The following PGBD5 variants were observed in gnomAD, a reference collection of about 807,000 sequenced individuals.
The protein encoded by PGBD5 is piggyBac transposable element-derived protein 5.
A neutral mutation model predicts 47.9 loss-of-function variants in PGBD5; 14 were observed. That is an observed-to-expected ratio of 0.29 (90% CI 0.19 to 0.46). The LOEUF (loss-of-function observed/expected upper bound fraction) is 0.46. Ranked by LOEUF, PGBD5 falls within the 20% of genes least tolerant of loss-of-function variation. The probability of loss-of-function intolerance (pLI) is 1.00; values close to 1 mark genes in which losing one functional copy is unlikely to be tolerated. For synonymous variants in PGBD5, 316 were observed against 306.3 expected (o/e 1.03, Z -0.33); for missense variants, 635 against 716.0 (o/e 0.89, Z 1.29).
intron 1 of PGBD5, among the ~76,000 whole-genome samples, chr1:230,380,484 C>A (rs941351864): frequency 6.6e-6 from 1 of 152,174 alleles, no homozygotes; most frequent in Non-Finnish European, 1.5e-5. Flanking sequence ...AAACTGACAC[C>A]CACCACTACC....
intron 2 of PGBD5, among the ~76,000 whole-genome samples, chr1:230,355,895 C>T (rs894218107): frequency 7.9e-5 from 12 of 152,106 alleles, no homozygotes; most frequent in South Asian, 2.1e-4. Context: ...CCCACAGACA[C>T]GAAATAGGGC....
Position 230,426,272 on chromosome 1 carries a change from T to C in PGBD5, c.-344A>G. ...CACCGCCACCACCGCCGCCGCTGCG[T>C]CTCCTCGGCGCCCGCCGCCTCCCTG... On this transcript the variant is annotated 5_prime_UTR_variant, in exon 1 of 7. Transcript: ENST00000391860. 6.8e-6 allele frequency: 1 copy of C among 147,680 alleles called. No homozygotes were observed. The highest frequency in any genetic ancestry group is 2.5e-5 in the African/African-American group (1 of 39,638). 9.1% of individuals were successfully genotyped at this position (147,680 alleles called of 1,614,324 possible). A position where few individuals can be genotyped will look rare whatever the true frequency, so the allele number is the denominator to read the frequency against.
intron 1 of PGBD5, chr1:230,362,304 T>C: frequency 3.7e-6 from 5 of 1,367,766 alleles, no homozygotes; most frequent in Non-Finnish European, 4.9e-6. Flanking sequence ...TCCCCACGGG[T>C]GTGCAGGGCA....
chr1:230,419,112 G>A (rs1265133703), intron 1 of PGBD5, among the ~76,000 whole-genome samples: 1 of 152,212 alleles, frequency 6.6e-6, no homozygotes, highest in Middle Eastern at 3.2e-3. Context: ...GCACCCATAT[G>A]TTCATTACAG....
chr1:230,326,579 C>T (rs1256433424), intron 5 of PGBD5, among the ~76,000 whole-genome samples: 2 of 152,146 alleles, frequency 1.3e-5, no homozygotes, highest in African/African-American at 2.4e-5. Flanking sequence ...CCACCTCAGC[C>T]ACCCAAGGAG....
At chr1:230,324,180 C>T (rs1565091) in intron 6 of PGBD5, among the ~76,000 whole-genome samples, 65,010 of 152,128 alleles carry the variant, frequency 0.43, 15,242 homozygotes, top group Non-Finnish European at 0.51. Context: ...AGGCCTCACT[C>T]ACTGCACTGT....
At chr1:230,389,777 T>C (rs1656742166) in intron 1 of PGBD5, among the ~76,000 whole-genome samples, 1 of 152,232 alleles carries the variant, frequency 6.6e-6, no homozygotes, top group South Asian at 2.1e-4. Flanking sequence ...AAGTTTAGCC[T>C]TATGCCAACT....
chr1:230,380,062 G>C (rs1668072877), intron 1 of PGBD5, among the ~76,000 whole-genome samples: 1 of 152,218 alleles, frequency 6.6e-6, no homozygotes, highest in Non-Finnish European at 1.5e-5. Flanking sequence ...CAGAGCAGGG[G>C]CCGTGTGCTA....
At chr1:230,405,178 G>C (rs1571862137) in intron 1 of PGBD5, among the ~76,000 whole-genome samples, 1 of 147,958 alleles carries the variant, frequency 6.8e-6, no homozygotes, top group Admixed American at 6.8e-5. Flanking sequence ...CTGGGTGACA[G>C]AGTGAGACTC....
chr1:230,368,359 T>C (rs996911953), intron 1 of PGBD5, among the ~76,000 whole-genome samples: 1 of 152,238 alleles, frequency 6.6e-6, no homozygotes, highest in Admixed American at 6.5e-5. Flanking sequence ...GTCTGACTGC[T>C]AAAGTGCAAA....
At chr1:230,367,145 C>T (rs542821641) in intron 1 of PGBD5, among the ~76,000 whole-genome samples, 1 of 152,248 alleles carries the variant, frequency 6.6e-6, no homozygotes, top group Non-Finnish European at 1.5e-5. Context: ...GCTACACCCT[C>T]TGTAGCTCTT....
intron 5 of PGBD5, among the ~76,000 whole-genome samples, chr1:230,330,550 A>G (rs540855295): frequency 3.2e-4 from 48 of 152,246 alleles, no homozygotes; most frequent in Non-Finnish European, 5.6e-4. Context: ...AAGAACTCTA[A>G]GATGTGAACC....
intron 1 of PGBD5, among the ~76,000 whole-genome samples, chr1:230,401,324 G>A (rs996360628): frequency 5.9e-5 from 9 of 152,162 alleles, no homozygotes; most frequent in East Asian, 5.8e-4. Flanking sequence ...CAGCATATGC[G>A]CATGTGTATA....
chr1:230,344,353 T>C (rs1667447916), intron 3 of PGBD5, among the ~76,000 whole-genome samples: 1 of 152,128 alleles, frequency 6.6e-6, no homozygotes, highest in Non-Finnish European at 1.5e-5. Context: ...TACTGCTTTG[T>C]AGATCTAATT....
At chr1:230,403,046 C>A (rs906001263) in intron 1 of PGBD5, among the ~76,000 whole-genome samples, 1 of 152,166 alleles carries the variant, frequency 6.6e-6, no homozygotes, top group African/African-American at 2.4e-5. Context: ...ATTGTGAGGT[C>A]GTTAGAGTCC....
At chr1:230,328,917 G>A (rs1667165545) in intron 5 of PGBD5, among the ~76,000 whole-genome samples, 1 of 152,122 alleles carries the variant, frequency 6.6e-6, no homozygotes, top group African/African-American at 2.4e-5. Context: ...AATATCCCTT[G>A]ACATGTGACA....
intron 1 of PGBD5, among the ~76,000 whole-genome samples, chr1:230,363,033 G>C (rs1055093645): frequency 1.3e-5 from 2 of 152,174 alleles, no homozygotes; most frequent in African/African-American, 4.8e-5. Flanking sequence ...TGAGTCCCAG[G>C]TGAGAGATGG....
At chr1:230,392,352 T>C (rs755412180) in intron 1 of PGBD5, among the ~76,000 whole-genome samples, 9 of 152,060 alleles carry the variant, frequency 5.9e-5, no homozygotes, top group Admixed American at 3.3e-4. Flanking sequence ...TTCTATCCCA[T>C]TGGGTGAGAA....
Position 230,323,453 on chromosome 1 carries a change from C to A in PGBD5, c.1547G>T (p.Gly516Val), listed in dbSNP as rs747685473. 2 of 1,613,868 alleles carry A rather than the reference C, an allele frequency of 1.2e-6. No individual in the cohort carries two copies. The highest frequency in any genetic ancestry group is 1.7e-6 in the Non-Finnish European group (2 of 1,179,936). Residue 516 changes from glycine to valine, a missense_variant, in exon 7 of 7, where the codon GGC becomes GTC. Transcript: ENST00000391860. The surrounding 1 kb of genome is among the most constrained non-coding windows in gnomAD (Gnocchi z 4.1). ...GTGGGTCGGAGAGGCATCCTCCAAG[C>A]CCAGCAGCTCTCTGACGAGTCTCTC... ...FGERLVRELL[G>V]LEDASPTH is the part of the protein sequence containing the mutation.
Sources: allele counts gnomAD v4.1 joint callset (sites outside exome capture counted in the v4.1 genomes callset), GRCh38; gene constraint gnomAD v4.1.1; non-coding constraint Gnocchi (gnomAD v3.1); transcripts MANE v1.5; gene names NCBI Gene and HGNC (gene_info 2026-07-23, HGNC 2026-07-21).